Variants in VAV2 observed in about 807,000 individuals in gnomAD.
The protein encoded by VAV2 is vav guanine nucleotide exchange factor 2.
A neutral mutation model predicts 132.5 loss-of-function variants in VAV2; 67 were observed. The observed-to-expected ratio is 0.51, with a 90% CI of 0.42 to 0.62. The LOEUF is 0.62. Among genes scored for constraint, VAV2 ranks in the 20% least tolerant of loss-of-function variants. VAV2 has a pLI of 0.00. For missense variants in VAV2, 938 were observed against 1,153.6 expected (o/e 0.81, Z 2.71); for synonymous variants, 492 against 443.5 (o/e 1.11, Z -1.37).
At chr9:133,853,219 G>GTGT (rs1490208286) in intron 3 of VAV2, among the ~76,000 whole-genome samples, 2 of 152,228 alleles carry the variant, frequency 1.3e-5, no homozygotes, top group Non-Finnish European at 2.9e-5. Flanking sequence ...GCAAAGGTCA[G>GTGT]TGTTCTGCTG....
At position 133,778,841 on chromosome 9, in the gene VAV2, G is replaced by A. The variant is rs765602760; in HGVS notation, c.1811C>T (p.Pro604Leu). ...MQNYHGNPAPPGKPVLTFQTG... is the reference protein window; with the variant it reads ...MQNYHGNPAPLGKPVLTFQTG... ...CTGGAAGGTCAGCACAGGCTTCCCGGGAGGGGCTGGGTTGCCATGGTAATT... is the reference window on the plus strand; with the variant it reads ...CTGGAAGGTCAGCACAGGCTTCCCGAGAGGGGCTGGGTTGCCATGGTAATT... Residue 604 changes from proline to leucine, a missense_variant, in exon 22 of 30, where the codon CCC becomes CTC. Coordinates refer to ENST00000371850, the MANE Select transcript of VAV2 (RefSeq NM_001134398.2). 11 of 1,612,688 alleles carry A rather than the reference G, an allele frequency of 6.8e-6. No homozygotes were observed. In the African/African-American group the frequency reaches 1.3e-4, roughly 20 times the overall value.
Position 133,796,463 on chromosome 9 carries a change from A to G in VAV2, c.998T>C (p.Met333Thr). ...CAGGTGGTATTTGAGCACCCTCTGCATGGGGACCACCAGCAGGTCTTGCAG... is the reference window on the plus strand; with the variant it reads ...CAGGTGGTATTTGAGCACCCTCTGCGTGGGGACCACCAGCAGGTCTTGCAG... Reference protein sequence around the residue: ...FKLQDLLVVPMQRVLKYHLLL... With the variant: ...FKLQDLLVVPTQRVLKYHLLL... Residue 333 changes from methionine to threonine, a missense_variant, in exon 11 of 30, where the codon ATG becomes ACG. Coordinates refer to ENST00000371850, the MANE Select transcript of VAV2 (RefSeq NM_001134398.2). 1.2e-6 allele frequency: 2 copies of G among 1,613,878 alleles called. No homozygotes were observed. The highest frequency in any genetic ancestry group is 1.7e-6 in the Non-Finnish European group (2 of 1,179,964).
chr9:133,800,450 T>G (rs1287475632), intron 9 of VAV2, among the ~76,000 whole-genome samples: 1 of 152,176 alleles, frequency 6.6e-6, no homozygotes, highest in Non-Finnish European at 1.5e-5. Flanking sequence ...TGGAGCCATG[T>G]CTGCTGCTGC....
At chr9:133,780,650 G>A in intron 20 of VAV2, 44 bp downstream of exon 20, 1 of 1,294,724 alleles carries the variant, frequency 7.7e-7, no homozygotes, top group South Asian at 2.7e-5. Flanking sequence ...ACAGGGATGT[G>A]GCGGGGGTGG....
chr9:133,781,049 C>G (rs1202206036), intron 19 of VAV2, among the ~76,000 whole-genome samples: 1 of 152,190 alleles, frequency 6.6e-6, no homozygotes, highest in Non-Finnish European at 1.5e-5. Context: ...TGGGGTGGTA[C>G]CTGGCACTCA....
intron 1 of VAV2, among the ~76,000 whole-genome samples, chr9:133,952,331 C>T (rs1464508932): frequency 2.0e-5 from 3 of 152,020 alleles, no homozygotes; most frequent in Non-Finnish European, 2.9e-5. Flanking sequence ...AGGCCGGGTG[C>T]GGTGGCTCAC....
chr9:133,962,326 GGCCAGCA>G (rs1274552529), intron 1 of VAV2, among the ~76,000 whole-genome samples: 1 of 152,160 alleles, frequency 6.6e-6, no homozygotes, highest in African/African-American at 2.4e-5. Flanking sequence ...CACTCAAGTT[GGCCAGCA>G]GAGTCCAGCC....
chr9:133,919,797 G>A lies in VAV2; in HGVS notation c.321+19306C>T, dbSNP rs943305997. Among the ~76,000 whole-genome samples, 7 of 152,136 alleles carry A rather than the reference G, an allele frequency of 4.6e-5. No individual in the cohort carries two copies. The highest frequency in any genetic ancestry group is 1.7e-4 in the African/African-American group (7 of 41,424). ...CCGTGAGGCAGAGACATGGAAGATG[G>A]AAGGTCCCCGCTGCCCCGACTGTCC... On this transcript the variant is annotated intron_variant, in intron 2 of 29. Transcript: ENST00000371850. This position sits in a 1 kb window ranked among gnomAD's most constrained non-coding sequence, Gnocchi z 5.8.
chr9:133,784,432 AAG>A lies in VAV2; in HGVS notation c.1533-16_1533-15del. The A allele has an allele frequency of 6.2e-7, 1 of 1,613,732 alleles. No homozygotes were observed. The highest frequency in any genetic ancestry group is 8.5e-7 in the Non-Finnish European group (1 of 1,179,644). ...TTGATGTTTGACCTGGCAGGAGGGAAAGAGAGCAGATGCTACACCCACTGGAT... is the reference window on the plus strand; with the variant it reads ...TTGATGTTTGACCTGGCAGGAGGGAAAGAGCAGATGCTACACCCACTGGAT... On this transcript the variant is annotated splice_polypyrimidine_tract_variant and intron_variant, in intron 17 of 29. Transcript: ENST00000371850.
intron 1 of VAV2, among the ~76,000 whole-genome samples, chr9:133,977,231 G>C (rs949023086): frequency 6.6e-6 from 1 of 152,236 alleles, no homozygotes; most frequent in African/African-American, 2.4e-5. Context: ...TGGGTGCCTG[G>C]TGTCCATTTG....
At chr9:133,982,926 A>G (rs1842743307) in intron 1 of VAV2, among the ~76,000 whole-genome samples, 1 of 152,068 alleles carries the variant, frequency 6.6e-6, no homozygotes, top group African/African-American at 2.4e-5. Context: ...CTGCAAGGGG[A>G]GAGTTGCGTA....
rs560333585 is a variant in VAV2 at position 133,959,005 on chromosome 9, G to A, written c.205-19786C>T. On this transcript the variant is annotated intron_variant, in intron 1 of 29. Transcript: ENST00000371850. Reference sequence around the variant, plus strand: ...GTGGGGGCCTCCCAGGGAAGTGAGAGGTGCCGAGAAACAGCACAGGCCACT... The same window carrying A: ...GTGGGGGCCTCCCAGGGAAGTGAGAAGTGCCGAGAAACAGCACAGGCCACT... 5.9e-5 allele frequency among the ~76,000 whole-genome samples: 9 copies of A among 151,986 alleles called. No homozygotes were observed. The East Asian group carries it at 1.8e-3, about 30-fold the overall frequency.
chr9:133,962,746 T>C (rs548533740), intron 1 of VAV2, among the ~76,000 whole-genome samples: 2 of 152,360 alleles, frequency 1.3e-5, no homozygotes, highest in African/African-American at 2.4e-5. Context: ...ACCGAGTGCA[T>C]TAATTCCTTG....
intron 1 of VAV2, among the ~76,000 whole-genome samples, chr9:133,972,277 C>G (rs1016447532): frequency 5.9e-5 from 9 of 152,256 alleles, no homozygotes; most frequent in Non-Finnish European, 2.9e-5. Flanking sequence ...GCACGCCCCT[C>G]AGCTCCCGCT....
chr9:133,771,043 G>C (rs986259389), intron 26 of VAV2, among the ~76,000 whole-genome samples: 2 of 151,248 alleles, frequency 1.3e-5, no homozygotes, highest in Non-Finnish European at 2.9e-5. Context: ...TTGGAGGTGG[G>C]GATGGGATTA....
intron 8 of VAV2, among the ~76,000 whole-genome samples, chr9:133,806,484 C>A (rs1054925196): frequency 6.6e-6 from 1 of 152,202 alleles, no homozygotes; most frequent in Admixed American, 6.5e-5. Context: ...GGCGGCACAG[C>A]GCAGTACTCC....
Position 133,796,470 on chromosome 9 carries a change from C to G in VAV2, c.991G>C (p.Val331Leu). ...GKFKLQDLLV[V>L]PMQRVLKYHL... ...TATTTGAGCACCCTCTGCATGGGGA[C>G]CACCAGCAGGTCTTGCAGCTTAAAT... The change falls in exon 11 of 30, where the codon GTC becomes CTC. Residue 331 changes from valine to leucine, a missense_variant. By Grantham distance (32) the Val-to-Leu change is conservative. Coordinates refer to ENST00000371850, the MANE Select transcript of VAV2 (RefSeq NM_001134398.2). The G allele has an allele frequency of 1.9e-6, 3 of 1,613,876 alleles. No homozygotes were observed. The highest frequency in any genetic ancestry group is 2.5e-6 in the Non-Finnish European group (3 of 1,179,992).
At position 133,969,482 on chromosome 9, in the gene VAV2, A is replaced by G. The variant is rs769451029; in HGVS notation, c.204+22593T>C. 1.3e-5 allele frequency among the ~76,000 whole-genome samples: 2 copies of G among 152,036 alleles called. No individual in the cohort carries two copies. The highest frequency in any genetic ancestry group is 2.9e-5 in the Non-Finnish European group (2 of 68,000). On this transcript the variant is annotated intron_variant, in intron 1 of 29. Transcript: ENST00000371850. This position sits in a 1 kb window ranked among gnomAD's most constrained non-coding sequence, Gnocchi z 5.1. The stretch of plus-strand genomic sequence containing the variant: ...ACACCAACCAGCATCAGCACCACTG[A>G]GACAAGAAGCCTGAGGCCAACCAGG...
At chr9:133,791,650 C>T (rs1050479314) in intron 13 of VAV2, 133 bp downstream of exon 13, 11 of 771,822 alleles carry the variant, frequency 1.4e-5, no homozygotes, top group African/African-American at 1.0e-4. Context: ...CAGAAGTTGC[C>T]GGGCACCAGC....
Sources: allele counts gnomAD v4.1 joint callset (sites outside exome capture counted in the v4.1 genomes callset), GRCh38; gene constraint gnomAD v4.1.1; non-coding constraint Gnocchi (gnomAD v3.1); transcripts MANE v1.5; gene names NCBI Gene and HGNC (gene_info 2026-07-23, HGNC 2026-07-21).